MBD5: variants seen among roughly 807,000 people sequenced by gnomAD.
MBD5 encodes the protein methyl-CpG binding domain protein 5, also known as methyl-CpG-binding domain protein 5.
Under a neutral mutation model 117.3 loss-of-function variants are expected in MBD5, and 13 were observed. The observed-to-expected ratio is 0.11, with a 90% CI of 0.07 to 0.18. MBD5 has a LOEUF of 0.18. Ranked by LOEUF, MBD5 falls within the 10% of genes least tolerant of loss-of-function variation. The probability of loss-of-function intolerance (pLI) is 1.00; values close to 1 mark genes in which losing one functional copy is unlikely to be tolerated. For missense variants in MBD5, 1,879 were observed against 2,093.8 expected (o/e 0.90, Z 2.00); for synonymous variants, 727 against 766.4 (o/e 0.95, Z 0.85).
chr2:148,188,115 T>C (rs569142454), intron 2 of MBD5, among the ~76,000 whole-genome samples: 2 of 152,338 alleles, frequency 1.3e-5, no homozygotes, highest in African/African-American at 4.8e-5. Flanking sequence ...GAAATGATCA[T>C]TGGAGCATTT....
intron 4 of MBD5, among the ~76,000 whole-genome samples, chr2:148,378,038 G>C (rs1253203890): frequency 6.6e-6 from 1 of 152,134 alleles, no homozygotes; most frequent in African/African-American, 2.4e-5. Flanking sequence ...ATTTGGGATT[G>C]AGGCTGTAAA....
chr2:148,340,689 C>G (rs1192551533), intron 3 of MBD5, among the ~76,000 whole-genome samples: 2 of 151,886 alleles, frequency 1.3e-5, no homozygotes, highest in Non-Finnish European at 2.9e-5. Context: ...AAGCTAAAAG[C>G]CAGGTGGCAA....
At chr2:148,035,354 G>A (rs979221249) in intron 1 of MBD5, among the ~76,000 whole-genome samples, 2 of 152,024 alleles carry the variant, frequency 1.3e-5, no homozygotes, top group Non-Finnish European at 2.9e-5. Context: ...TGTATGTTAT[G>A]CGTTAAAAAT....
intron 10 of MBD5, among the ~76,000 whole-genome samples, chr2:148,486,794 A>G (rs187892580): frequency 8.1e-4 from 124 of 152,330 alleles, no homozygotes; most frequent in African/African-American, 2.9e-3. Context: ...GATGATACCC[A>G]CTGCTGACAA....
At chr2:148,327,252 C>T (rs1290635803) in intron 3 of MBD5, among the ~76,000 whole-genome samples, 1 of 152,104 alleles carries the variant, frequency 6.6e-6, no homozygotes, top group Non-Finnish European at 1.5e-5. Context: ...TGACCTTTCT[C>T]TCTTGCTGCC....
intron 4 of MBD5, among the ~76,000 whole-genome samples, chr2:148,446,017 A>G (rs1464744017): frequency 6.6e-6 from 1 of 150,720 alleles, no homozygotes; most frequent in Non-Finnish European, 1.5e-5. Flanking sequence ...AGTTCATTGT[A>G]GATTCTGGAT....
chr2:148,219,043 G>C (rs957931754), intron 2 of MBD5, among the ~76,000 whole-genome samples: 1 of 152,042 alleles, frequency 6.6e-6, no homozygotes, highest in Non-Finnish European at 1.5e-5. Context: ...TTAACTTCTT[G>C]ATGCTTTTAT....
intron 3 of MBD5, among the ~76,000 whole-genome samples, chr2:148,324,267 C>T (rs1001728796): frequency 6.6e-6 from 1 of 152,102 alleles, no homozygotes; most frequent in Non-Finnish European, 1.5e-5. Flanking sequence ...AGTTTGAAGT[C>T]AGGTAGTGTG....
chr2:148,059,028 A>G (rs1694952186), intron 1 of MBD5, among the ~76,000 whole-genome samples: 1 of 152,170 alleles, frequency 6.6e-6, no homozygotes, highest in African/African-American at 2.4e-5. Context: ...TTTTTTTACA[A>G]TAACTACTTA....
At chr2:148,445,054 C>G (rs537227210) in intron 4 of MBD5, among the ~76,000 whole-genome samples, 1 of 151,346 alleles carries the variant, frequency 6.6e-6, no homozygotes, top group Non-Finnish European at 1.5e-5. Context: ...TAGCACCACC[C>G]AAGCATGTTG....
intron 1 of MBD5, among the ~76,000 whole-genome samples, chr2:148,038,077 A>G (rs1329700992): frequency 6.6e-6 from 1 of 151,682 alleles, no homozygotes; most frequent in East Asian, 1.9e-4. Context: ...CCAAGGTTAT[A>G]TAACAACTGG....
intron 4 of MBD5, among the ~76,000 whole-genome samples, chr2:148,394,901 C>T (rs1185176732): frequency 6.6e-6 from 1 of 152,120 alleles, no homozygotes; most frequent in Admixed American, 6.5e-5. Flanking sequence ...TTACTTTCTT[C>T]CTAAGATCAA....
At chr2:148,306,408 T>C (rs1701894415) in intron 3 of MBD5, among the ~76,000 whole-genome samples, 1 of 152,236 alleles carries the variant, frequency 6.6e-6, no homozygotes, top group Non-Finnish European at 1.5e-5. Context: ...GCCTTGGTAA[T>C]GTAATCAATG....
intron 4 of MBD5, among the ~76,000 whole-genome samples, chr2:148,426,445 A>G (rs1355426244): frequency 6.6e-6 from 1 of 152,054 alleles, no homozygotes; most frequent in African/African-American, 2.4e-5. Context: ...TACTGGTACC[A>G]AAACAGAGAT....
chr2:148,324,451 T>A (rs571900934), intron 3 of MBD5, among the ~76,000 whole-genome samples: 6 of 152,192 alleles, frequency 3.9e-5, no homozygotes, highest in African/African-American at 1.4e-4. Flanking sequence ...TCACAATATT[T>A]ATTCTTCCTA....
At chr2:148,278,562 C>CA (rs1559002344) in intron 3 of MBD5, among the ~76,000 whole-genome samples, 2 of 152,090 alleles carry the variant, frequency 1.3e-5, no homozygotes, top group African/African-American at 4.8e-5. Context: ...AATCTTCATA[C>CA]TTTTTTTAAT....
intron 8 of MBD5, among the ~76,000 whole-genome samples, chr2:148,477,827 AT>A (rs1293762506): frequency 1.3e-5 from 2 of 152,184 alleles, no homozygotes; most frequent in East Asian, 3.8e-4. Flanking sequence ...TATATGACTT[AT>A]TTCTTAGGTT....
chr2:148,484,127 G>A lies in MBD5; in HGVS notation c.3536G>A (p.Gly1179Asp), dbSNP rs1314736441. The A allele has an allele frequency of 7.0e-7, 1 of 1,433,634 alleles. No individual in the cohort carries two copies. Among genetic ancestry groups the A allele is most frequent in the Non-Finnish European group, 9.2e-7 (1 of 1,091,540 alleles). 88.8% of individuals were successfully genotyped at this position (1,433,634 alleles called of 1,614,324 possible). ...CTACTTAACCCTCTACTGGGGACAG[G>A]TCTACTTGGTAAGTTAAATTTTTTC... ...PQLLNPLLGT[G>D]LLGDMSSINN... Residue 1179 changes from glycine (G) to aspartate (D), a missense_variant, in exon 9 of 14, where the codon GGT (glycine) becomes GAT (aspartate). By Grantham distance (94) the Gly-to-Asp change is moderately conservative (BLOSUM62 -1). This residue lies in a region of MBD5 where 1,666 missense variants were observed against 1,792.2 expected (regional missense o/e 0.93). Coordinates refer to ENST00000642680, the MANE Select transcript of MBD5 (RefSeq NM_001378120.1).
At chr2:148,207,713 C>T (rs983587480) in intron 2 of MBD5, among the ~76,000 whole-genome samples, 4 of 150,270 alleles carry the variant, frequency 2.7e-5, no homozygotes, top group East Asian at 1.9e-4. Flanking sequence ...AAAAAGATGA[C>T]GTTAAACCCC....
Sources: gnomAD v4.1 joint callset for allele counts (sites outside exome capture counted in the v4.1 genomes callset) on GRCh38, gnomAD v4.1.1 for gene constraint, gnomAD v4.1.1 regional missense constraint, MANE v1.5 for transcripts, NCBI Gene and HGNC (gene_info 2026-07-23, HGNC 2026-07-21) for gene names.